LTBP2: variants seen among roughly 807,000 people sequenced by gnomAD.
The protein encoded by LTBP2 is latent-transforming growth factor beta-binding protein 2.
LTBP2 carries 103 observed loss-of-function variants against 210.6 expected under a neutral mutation model. The ratio of observed to expected loss-of-function variants is 0.49; its 90% CI spans 0.42 to 0.58. The LOEUF (loss-of-function observed/expected upper bound fraction) is 0.58. LTBP2 is among the 20% of genes least tolerant of loss of function. The pLI, the probability that LTBP2 is intolerant of heterozygous loss-of-function variation, is 0.00. For synonymous variants in LTBP2, 1,007 were observed against 1,015.0 expected, an observed-to-expected ratio of 0.99 and a Z score of 0.15; for missense variants, 2,313 against 2,494.5, an observed-to-expected ratio of 0.93 and a Z score of 1.55.
At chr14:74,529,217 T>C (rs941127908) in intron 10 of LTBP2, 95 bp from the exon 11 acceptor site, 4 of 1,418,060 alleles carry the variant, frequency 2.8e-6, no homozygotes, top group Non-Finnish European at 3.9e-6. Flanking sequence ...GCTGGCCACA[T>C]GCACTCAGAC....
intron 4 of LTBP2, among the ~76,000 whole-genome samples, chr14:74,554,416 T>C (rs540379131): frequency 6.6e-6 from 1 of 152,180 alleles, no homozygotes; most frequent in African/African-American, 2.4e-5. Flanking sequence ...AGAGGATCAC[T>C]TGAGCTCAGG....
chr14:74,606,868 A>T (rs188538166), intron 1 of LTBP2, among the ~76,000 whole-genome samples: 33 of 152,000 alleles, frequency 2.2e-4, no homozygotes, highest in Non-Finnish European at 3.1e-4. Flanking sequence ...AAAAAAAAAA[A>T]ACCCACCTCC....
Position 74,500,229 on chromosome 14 carries a change from T to C in LTBP2, c.*655A>G, listed in dbSNP as rs1425010707. ...GCTTTCTCAGGCTCTTTGTTCTTCT[T>C]CATTTGTGTCTCTTACATTCAACAA... is the stretch of plus-strand genomic sequence containing the variant. On this transcript the variant is annotated 3_prime_UTR_variant, in exon 36 of 36. Coordinates refer to ENST00000261978, the MANE Select transcript of LTBP2 (RefSeq NM_000428.3). 1 of 235,172 alleles carries C rather than the reference T, an allele frequency of 4.3e-6. No individual in the cohort carries two copies. The highest frequency in any genetic ancestry group is 8.4e-6 in the Non-Finnish European group (1 of 119,400). 14.6% of individuals were successfully genotyped at this position (235,172 alleles called of 1,614,324 possible).
rs780295336 is a variant in LTBP2, at chr14:74,502,803, C to T, written c.5020G>A (p.Ala1674Thr). Residue 1674 changes from alanine (A) to threonine (T), a missense_variant, in exon 34 of 36, where the codon GCC (alanine) becomes ACC (threonine). Coordinates refer to ENST00000261978, the MANE Select transcript of LTBP2 (RefSeq NM_000428.3). ...GGGCCCAGGTAGTTGTAGAAGGGGG[C>T]CCCATCTGGGCCATAGATGCTGTAG... ...LHYSIYGPDG[A>T]PFYNYLGPED... 2 of 1,614,128 alleles carry T rather than the reference C, an allele frequency of 1.2e-6. No individual in the cohort carries two copies. The highest frequency in any genetic ancestry group is 4.5e-5 in the East Asian group (2 of 44,876).
chr14:74,567,967 C>T (rs545040154), intron 3 of LTBP2, among the ~76,000 whole-genome samples: 116 of 152,312 alleles, frequency 7.6e-4, no homozygotes, highest in Non-Finnish European at 1.5e-3. Context: ...CCACCGCCAA[C>T]GTGCACCGTC....
chr14:74,572,122 T>C (rs949685745), intron 3 of LTBP2, among the ~76,000 whole-genome samples: 2 of 152,184 alleles, frequency 1.3e-5, no homozygotes, highest in Admixed American at 6.5e-5. Context: ...TGCAGACAGA[T>C]AGACACAGAC....
intron 33 of LTBP2, 25 bp downstream of exon 33, chr14:74,503,194 G>C (rs776842843): frequency 5.0e-6 from 8 of 1,612,930 alleles, no homozygotes; most frequent in African/African-American, 1.3e-5. Context: ...CAGCCCTGCA[G>C]GGTATCCCCT....
At chr14:74,528,837 G>A (rs1024946608) in intron 11 of LTBP2, 121 bp downstream of exon 11, 11 of 1,517,204 alleles carry the variant, frequency 7.3e-6, no homozygotes, top group Middle Eastern at 2.1e-4. Flanking sequence ...ATAAGCACGT[G>A]AGCAGGCAGG....
intron 18 of LTBP2, among the ~76,000 whole-genome samples, chr14:74,514,201 G>A (rs748275512): frequency 2.0e-5 from 3 of 152,206 alleles, no homozygotes; most frequent in Non-Finnish European, 4.4e-5. Context: ...CTGGCCTAGG[G>A]TATGAATGTT....
At chr14:74,607,396 TATG>T (rs1200300848) in intron 1 of LTBP2, among the ~76,000 whole-genome samples, 2 of 152,220 alleles carry the variant, frequency 1.3e-5, no homozygotes. Flanking sequence ...GCTTTCAACT[TATG>T]ATAATGATAC....
At chr14:74,560,496 C>T (rs938216657) in intron 3 of LTBP2, among the ~76,000 whole-genome samples, 1 of 152,224 alleles carries the variant, frequency 6.6e-6, no homozygotes, top group African/African-American at 2.4e-5. Context: ...AATGATGCCA[C>T]TTACTGAAAT....
At chr14:74,549,136 G>A (rs1253414485) in intron 8 of LTBP2, among the ~76,000 whole-genome samples, 1 of 152,172 alleles carries the variant, frequency 6.6e-6, no homozygotes, top group African/African-American at 2.4e-5. Flanking sequence ...GCCCAGAAAG[G>A]AGGCCTGGAG....
At chr14:74,516,251 C>T (rs1437349964) in intron 18 of LTBP2, among the ~76,000 whole-genome samples, 1 of 152,244 alleles carries the variant, frequency 6.6e-6, no homozygotes, top group East Asian at 1.9e-4. Context: ...CAGGGGTCTT[C>T]AGAGCTGGCA....
At chr14:74,590,191 T>C (rs11625386) in intron 2 of LTBP2, among the ~76,000 whole-genome samples, 56,044 of 152,192 alleles carry the variant, frequency 0.37, 13,168 homozygotes, top group Non-Finnish European at 0.53. Context: ...TATACACTGC[T>C]GGTGGGAATG....
Position 74,528,527 on chromosome 14 carries a change from A to G in LTBP2, c.2324T>C (p.Val775Ala), listed in dbSNP as rs774990039. ...PGPAERQPLRVVTDTWLEAGT... is the reference protein window; with the variant it reads ...PGPAERQPLRAVTDTWLEAGT... ...GGCCTCAAGCCAGGTGTCCGTGACG[A>G]CCCGGAGGGGCTGCCTCTCTGCTGG... The change falls in exon 12 of 36, where the codon GTC (valine) becomes GCC (alanine). Residue 775 changes from valine (V) to alanine (A), a missense_variant. Val to Ala is a moderately conservative substitution (Grantham distance 64). Transcript: ENST00000261978. 1 of 1,612,308 alleles carries G rather than the reference A, an allele frequency of 6.2e-7. No homozygotes were observed. Among genetic ancestry groups the G allele is most frequent in the Non-Finnish European group, 8.5e-7 (1 of 1,180,026 alleles).
chr14:74,551,881 A>G (rs1259218309), intron 6 of LTBP2, among the ~76,000 whole-genome samples: 1 of 152,058 alleles, frequency 6.6e-6, no homozygotes, highest in Non-Finnish European at 1.5e-5. Flanking sequence ...TTTCCCATCC[A>G]TTCTCCCTCT....
intron 2 of LTBP2, among the ~76,000 whole-genome samples, chr14:74,601,649 C>T (rs889625604): frequency 7.9e-5 from 12 of 152,218 alleles, no homozygotes; most frequent in African/African-American, 2.9e-4. Context: ...GGCCACGAGG[C>T]CTGAGGCAGA....
chr14:74,595,541 T>C (rs2088348271), intron 2 of LTBP2, among the ~76,000 whole-genome samples: 1 of 152,060 alleles, frequency 6.6e-6, no homozygotes, highest in Non-Finnish European at 1.5e-5. Flanking sequence ...AGAAGCAGCT[T>C]CCAGGGGAGA....
intron 21 of LTBP2, 100 bp downstream of exon 21, chr14:74,509,634 C>T: frequency 1.9e-6 from 3 of 1,545,340 alleles, no homozygotes; most frequent in Non-Finnish European, 2.7e-6. Context: ...AGCCTGGAGC[C>T]CCTCGGCATC....
Sources: allele counts gnomAD v4.1 joint callset (sites outside exome capture counted in the v4.1 genomes callset), GRCh38; gene constraint gnomAD v4.1.1; transcripts MANE v1.5; gene names NCBI Gene and HGNC (gene_info 2026-07-23, HGNC 2026-07-21).